The following MTCH1 variants were observed in gnomAD, a reference collection of about 807,000 sequenced individuals.
MTCH1 encodes mitochondrial carrier 1.
A neutral mutation model predicts 49.3 loss-of-function variants in MTCH1; 23 were observed. The ratio of observed to expected loss-of-function variants is 0.47; its 90% CI spans 0.34 to 0.66. The LOEUF (loss-of-function observed/expected upper bound fraction) is 0.66, where lower values mean the gene tolerates loss of function less well. Ranked by LOEUF, MTCH1 falls within the 30% of genes least tolerant of loss-of-function variation. The pLI, the probability that MTCH1 is intolerant of heterozygous loss-of-function variation, is 0.01. For missense variants in MTCH1, 397 were observed against 532.1 expected (o/e 0.75, Z 2.50); for synonymous variants, 229 against 215.2 (o/e 1.06, Z -0.56).
At chr6:36,981,192 C>T (rs1298909755) in intron 2 of MTCH1, among the ~76,000 whole-genome samples, 1 of 152,122 alleles carries the variant, frequency 6.6e-6, no homozygotes, top group Non-Finnish European at 1.5e-5. Flanking sequence ...TCAAGAGGAC[C>T]CCCCGGGCCT....
In MTCH1 at chr6:36,980,645, A is replaced by G. The variant is rs1764053083; in HGVS notation, c.406+943T>C. The stretch of plus-strand genomic sequence containing the variant: ...ATGTGAAATGGAAAAGGTAAGACAG[A>G]GGCCAAGCCCCAAGTTACTCAACAG... On this transcript the variant is annotated intron_variant, in intron 2 of 11. Transcript: ENST00000373627. Among the ~76,000 whole-genome samples, 3 of 152,384 alleles carry G rather than the reference A, an allele frequency of 2.0e-5. No individual in the cohort carries two copies. In the South Asian group the frequency reaches 6.2e-4, roughly 32 times the overall value.
At position 36,968,536 on chromosome 6, in the gene MTCH1, G is replaced by A. The variant is rs1009963748; in HGVS notation, c.*367C>T. 16 of 369,644 alleles carry A rather than the reference G, an allele frequency of 4.3e-5. No homozygotes were observed. In the East Asian group the frequency reaches 1.1e-3, roughly 25 times the overall value. The allele number at this position is 369,644 out of a possible 1,614,324, so 22.9% of individuals were successfully genotyped here. On this transcript the variant is annotated 3_prime_UTR_variant, in exon 12 of 12. Transcript: ENST00000373627. ...CTGCAGGATGGGCGCTGGGCTGACT[G>A]GAGGGGTAGACGGGGTGGGGTCTGA...
rs1764153113 is a variant in MTCH1 at position 36,982,896 on chromosome 6, C to T, written c.322-1224G>A. Among the ~76,000 whole-genome samples, 1 of 152,366 alleles carries T rather than the reference C, an allele frequency of 6.6e-6. No homozygotes were observed. Among genetic ancestry groups the T allele is most frequent in the Non-Finnish European group, 1.5e-5 (1 of 68,044 alleles). ...GCCCTGTGCCCTCTAAGCAGGCCAG[C>T]TGGGCCCATGGACCAGAGCGATTCC... On this transcript the variant is annotated intron_variant, in intron 1 of 11. Coordinates refer to ENST00000373627, the MANE Select transcript of MTCH1 (RefSeq NM_001271641.2). The surrounding 1 kb of genome is among the most constrained non-coding windows in gnomAD (Gnocchi z 4.1).
At chr6:36,970,342 G>A (rs959316353) in intron 10 of MTCH1, 64 bp downstream of exon 10, 48 of 1,591,410 alleles carry the variant, frequency 3.0e-5, no homozygotes, top group Non-Finnish European at 3.5e-5. Flanking sequence ...GGAAGGGCTC[G>A]GTGGGTCTCC....
In MTCH1 at chr6:36,970,487, A is replaced by G. The variant is rs1442359785; in HGVS notation, c.955-14T>C. 19 of 1,614,022 alleles carry G rather than the reference A, an allele frequency of 1.2e-5. No homozygotes were observed. Among genetic ancestry groups the G allele is most frequent in the Non-Finnish European group, 1.3e-5 (15 of 1,180,020 alleles). On this transcript the variant is annotated splice_polypyrimidine_tract_variant and intron_variant, in intron 9 of 11. Transcript: ENST00000373627. ...GCTCACTGCAATCTGAAACCCAGAG[A>G]GGCCTGAGTGCCAGTGACCCACCCC...
Position 36,977,965 on chromosome 6 carries a change from T to A in MTCH1, c.591+113A>T. Reference sequence around the variant, plus strand: ...GCTTCTTCCCTTACCATCCCACCCATGCATACACAAGGACCCAACTCTTCG... The same window carrying A: ...GCTTCTTCCCTTACCATCCCACCCAAGCATACACAAGGACCCAACTCTTCG... On this transcript the variant is annotated intron_variant, in intron 4 of 11. Coordinates refer to ENST00000373627, the MANE Select transcript of MTCH1 (RefSeq NM_001271641.2). This position sits in a 1 kb window ranked among gnomAD's most constrained non-coding sequence, Gnocchi z 5.4. 1 of 971,056 alleles carries A rather than the reference T, an allele frequency of 1.0e-6. No individual in the cohort carries two copies. Among genetic ancestry groups the A allele is most frequent in the East Asian group, 2.4e-5 (1 of 41,792 alleles). The allele number at this position is 971,056 out of a possible 1,614,324, so 60.2% of individuals were successfully genotyped here. A position where few individuals can be genotyped will look rare whatever the true frequency, so the allele number is the denominator to read the frequency against.
chr6:36,968,855 C>G lies in MTCH1; in HGVS notation c.*48G>C. 1 of 1,612,876 alleles carries G rather than the reference C, an allele frequency of 6.2e-7. No individual in the cohort carries two copies. Among genetic ancestry groups the G allele is most frequent in the Non-Finnish European group, 8.5e-7 (1 of 1,179,180 alleles). On this transcript the variant is annotated 3_prime_UTR_variant, in exon 12 of 12. Transcript: ENST00000373627. The stretch of plus-strand genomic sequence containing the variant: ...TGCAGGTGTCCCAAGGTGGTCAGGC[C>G]TCACCCACGGTGGCCAGGTTGAGAC...
At position 36,981,575 on chromosome 6, in the gene MTCH1, G is replaced by C. The variant is rs766424736; in HGVS notation, c.406+13C>G. The C allele has an allele frequency of 4.0e-5, 65 of 1,613,212 alleles. No individual in the cohort carries two copies. The Admixed American group carries it at 1.1e-3, about 27-fold the overall frequency. On this transcript the variant is annotated intron_variant, in intron 2 of 11. Transcript: ENST00000373627. ...TGTTGGTGTGGGCTTTCCTGCTTGG[G>C]AGGCACACTCACCGTAGGTGAAGAA...
Position 36,977,329 on chromosome 6 carries a change from G to A in MTCH1, c.650-79C>T. The A allele has an allele frequency of 6.7e-7, 1 of 1,494,084 alleles. No individual in the cohort carries two copies. The allele number at this position is 1,494,084 out of a possible 1,614,324, so 92.6% of individuals were successfully genotyped here. On this transcript the variant is annotated intron_variant, in intron 5 of 11. Transcript: ENST00000373627. This position sits in a 1 kb window ranked among gnomAD's most constrained non-coding sequence, Gnocchi z 5.4. ...ATGCTCCAGCCACCGGGTGCCAGGT[G>A]CAGAGTGGCCACTGAACAACGTGGC...
chr6:36,971,776 C>T (rs761593666), intron 8 of MTCH1, among the ~76,000 whole-genome samples: 2 of 152,116 alleles, frequency 1.3e-5, no homozygotes, highest in African/African-American at 2.4e-5. Flanking sequence ...CTCCTAGCCT[C>T]CTGGGAGGGA....
chr6:36,976,900 T>C (rs1444469217), intron 6 of MTCH1, among the ~76,000 whole-genome samples: 1 of 152,186 alleles, frequency 6.6e-6, no homozygotes, highest in Non-Finnish European at 1.5e-5. Flanking sequence ...AGCTCAGTCC[T>C]AAGTGGCAGA....
chr6:36,974,847 G>A (rs1211755246), intron 7 of MTCH1, among the ~76,000 whole-genome samples: 2 of 152,098 alleles, frequency 1.3e-5, no homozygotes, highest in Non-Finnish European at 2.9e-5. Context: ...CTAGTACAGC[G>A]GATACTGTTG....
chr6:36,986,209 C>CG (rs756096013), upstream of MTCH1: 1 of 1,406,362 alleles, frequency 7.1e-7, no homozygotes, highest in South Asian at 1.5e-5. Context: ...CGTCACGTGA[C>CG]GGGGCCACGC....
Position 36,977,165 on chromosome 6 carries a change from CAG to C in MTCH1, c.701+32_701+33del. Reference sequence around the variant, plus strand: ...GCCCTGGCCGACTCTGAAAGGGTAACAGGGCCACTCTGCCAGTCCCAAGAGTT... The same window carrying C: ...GCCCTGGCCGACTCTGAAAGGGTAACGGCCACTCTGCCAGTCCCAAGAGTT... On this transcript the variant is annotated intron_variant, in intron 6 of 11. Coordinates refer to ENST00000373627, the MANE Select transcript of MTCH1 (RefSeq NM_001271641.2). The surrounding 1 kb of genome is among the most constrained non-coding windows in gnomAD (Gnocchi z 5.4). 6.2e-7 allele frequency: 1 copy of C among 1,611,866 alleles called. No individual in the cohort carries two copies. Among genetic ancestry groups the C allele is most frequent in the South Asian group, 1.1e-5 (1 of 91,044 alleles).
rs1233677918 is a variant in MTCH1, at chr6:36,972,367, C to T, written c.906+285G>A. ...CTGGTCTATCTTCTGACTTCCTGAGCCCTAGTTGGGTCACTGCCTCGGAGC... is the reference window on the plus strand; with the variant it reads ...CTGGTCTATCTTCTGACTTCCTGAGTCCTAGTTGGGTCACTGCCTCGGAGC... On this transcript the variant is annotated intron_variant, in intron 8 of 11. Transcript: ENST00000373627. This position sits in a 1 kb window ranked among gnomAD's most constrained non-coding sequence, Gnocchi z 4.1. Among the ~76,000 whole-genome samples, 1 of 152,186 alleles carries T rather than the reference C, an allele frequency of 6.6e-6. No individual in the cohort carries two copies. Among genetic ancestry groups the T allele is most frequent in the African/African-American group, 2.4e-5 (1 of 41,432 alleles).
chr6:36,985,100 T>G (rs1330555060), intron 1 of MTCH1, among the ~76,000 whole-genome samples: 1 of 119,866 alleles, frequency 8.3e-6, no homozygotes, highest in South Asian at 2.8e-4. Flanking sequence ...CGCGTCACCC[T>G]GTCCCCTCCT....
At chr6:36,985,022 C>T (rs1469235693) in intron 1 of MTCH1, among the ~76,000 whole-genome samples, 1 of 151,816 alleles carries the variant, frequency 6.6e-6, no homozygotes, top group Non-Finnish European at 1.5e-5. Context: ...TCCTAGCTCC[C>T]CTCTCTAGAC....
Position 36,977,558 on chromosome 6 carries a change from C to T in MTCH1, c.649+76G>A. 2.9e-6 allele frequency: 3 copies of T among 1,022,176 alleles called. No homozygotes were observed. In the Admixed American group the frequency reaches 6.1e-5, roughly 21 times the overall value. The allele number at this position is 1,022,176 out of a possible 1,614,324, so 63.3% of individuals were successfully genotyped here. A position where few individuals can be genotyped will look rare whatever the true frequency, so the allele number is the denominator to read the frequency against. ...AGGTCTACGGCTGTCTATGTACAGT[C>T]CACGAGGGGGCGCCCCTCACCCCAC... is the stretch of plus-strand genomic sequence containing the variant. On this transcript the variant is annotated intron_variant, in intron 5 of 11. Transcript: ENST00000373627. This position sits in a 1 kb window ranked among gnomAD's most constrained non-coding sequence, Gnocchi z 5.4.
chr6:36,970,364 G>T (rs767853300), intron 10 of MTCH1, 42 bp downstream of exon 10: 10 of 1,610,606 alleles, frequency 6.2e-6, no homozygotes, highest in Non-Finnish European at 8.5e-6. Flanking sequence ...CCACCCCACA[G>T]CCTTGGTAGG....
Sources: allele counts gnomAD v4.1 joint callset (sites outside exome capture counted in the v4.1 genomes callset), GRCh38; gene constraint gnomAD v4.1.1; non-coding constraint Gnocchi (gnomAD v3.1); transcripts MANE v1.5; gene names NCBI Gene and HGNC (gene_info 2026-07-23, HGNC 2026-07-21).